The following PLSCR4 variants were observed in gnomAD, a reference collection of about 807,000 sequenced individuals.
The protein encoded by PLSCR4 is Ca(2+)-dependent phospholipid scramblase 4.
PLSCR4 carries 25 observed loss-of-function variants against 36.3 expected under a neutral mutation model. That is an observed-to-expected ratio of 0.69 (90% confidence interval 0.50 to 0.96). The LOEUF is 0.96. Among genes scored for constraint, PLSCR4 ranks in the 40% least tolerant of loss-of-function variants. The pLI, the probability that PLSCR4 is intolerant of heterozygous loss-of-function variation, is 0.00. For missense variants in PLSCR4, 408 were observed against 414.7 expected (o/e 0.98, Z 0.14); for synonymous variants, 122 against 132.9 (o/e 0.92, Z 0.56).
chr3:146,224,470 G>A (rs1435840727), intron 1 of PLSCR4, among the ~76,000 whole-genome samples: 4 of 148,860 alleles, frequency 2.7e-5, no homozygotes, highest in African/African-American at 7.8e-5. Context: ...TTAAGGTGGC[G>A]CATCTGGAGT....
intron 3 of PLSCR4, among the ~76,000 whole-genome samples, chr3:146,218,363 AATG>A (rs2034984323): frequency 6.6e-6 from 1 of 151,974 alleles, no homozygotes; most frequent in Non-Finnish European, 1.5e-5. Context: ...TCAATGAGTT[AATG>A]ATTAATTTAC....
rs1193184787 is a variant in PLSCR4, at chr3:146,211,637, ATACT to A, written c.119-4880_119-4877del. On this transcript the variant is annotated intron_variant, in intron 3 of 8. Coordinates refer to ENST00000354952, the MANE Select transcript of PLSCR4 (RefSeq NM_020353.3). ...ACTATTGCCTAATCCAAGGACATAA[ATACT>A]TACATCTATATCTTGTAAAAGTTTT... 2.0e-5 allele frequency among the ~76,000 whole-genome samples: 3 copies of A among 152,258 alleles called. No individual in the cohort carries two copies. The East Asian group carries it at 5.8e-4, about 29-fold the overall frequency.
At chr3:146,207,361 T>C (rs1311752012) in intron 3 of PLSCR4, among the ~76,000 whole-genome samples, 1 of 152,164 alleles carries the variant, frequency 6.6e-6, no homozygotes, top group Non-Finnish European at 1.5e-5. Flanking sequence ...ATTTTCTTAG[T>C]AGTTATGCTG....
chr3:146,208,665 C>A (rs1162204999), intron 3 of PLSCR4, among the ~76,000 whole-genome samples: 1 of 152,108 alleles, frequency 6.6e-6, no homozygotes, highest in African/African-American at 2.4e-5. Flanking sequence ...TGAAAAAATA[C>A]TCAGCATCAC....
intron 5 of PLSCR4, among the ~76,000 whole-genome samples, chr3:146,200,703 C>G (rs1267676116): frequency 2.0e-5 from 3 of 151,922 alleles, no homozygotes; most frequent in Non-Finnish European, 2.9e-5. Context: ...CTGTGGTGTC[C>G]CTGGCTAACT....
chr3:146,231,403 T>A (rs779271342), intron 1 of PLSCR4, among the ~76,000 whole-genome samples: 2 of 152,196 alleles, frequency 1.3e-5, no homozygotes, highest in Non-Finnish European at 2.9e-5. Context: ...GGTCAAATGC[T>A]AGTTCCGTTT....
Position 146,249,098 on chromosome 3 carries a change from C to CT in PLSCR4, c.-22+1861dup, listed in dbSNP as rs202048742. On this transcript the variant is annotated intron_variant, in intron 1 of 8. Coordinates refer to ENST00000354952, the MANE Select transcript of PLSCR4 (RefSeq NM_020353.3). ...TTTCTAGGTATATTAGCAAAATTAT[C>CT]TTTTTTTTTCTATTAACAATGTCCG... 2.0e-4 allele frequency among the ~76,000 whole-genome samples: 30 copies of CT among 151,390 alleles called. No individual in the cohort carries two copies. In the East Asian group the frequency reaches 2.5e-3, roughly 13 times the overall value.
At chr3:146,230,114 T>C (rs2035647300) in intron 1 of PLSCR4, among the ~76,000 whole-genome samples, 1 of 152,146 alleles carries the variant, frequency 6.6e-6, no homozygotes, top group Non-Finnish European at 1.5e-5. Flanking sequence ...TGTTAGGAAG[T>C]AGGCCCCTAA....
intron 4 of PLSCR4, among the ~76,000 whole-genome samples, chr3:146,205,132 G>C (rs1032791561): frequency 6.6e-6 from 1 of 151,842 alleles, no homozygotes; most frequent in Non-Finnish European, 1.5e-5. Context: ...TATTAAATTG[G>C]GAAGTTTCTT....
intron 1 of PLSCR4, among the ~76,000 whole-genome samples, chr3:146,225,673 A>G (rs111652272): frequency 0.38 from 57,331 of 151,976 alleles, 11,004 homozygotes; most frequent in African/African-American, 0.45. Flanking sequence ...CCACTGGCCC[A>G]GGAGCTAAGT....
intron 1 of PLSCR4, among the ~76,000 whole-genome samples, chr3:146,242,334 A>G (rs570776549): frequency 1.6e-4 from 25 of 152,296 alleles, no homozygotes; most frequent in Admixed American, 1.4e-3. Context: ...CAGATCTTGA[A>G]GCAAACTTCC....
chr3:146,212,400 T>C (rs2034668407), intron 3 of PLSCR4, among the ~76,000 whole-genome samples: 1 of 147,358 alleles, frequency 6.8e-6, no homozygotes. Context: ...ACTTGTTTAT[T>C]GTGCTGTTTG....
intron 3 of PLSCR4, among the ~76,000 whole-genome samples, chr3:146,211,528 A>T (rs116481754): frequency 4.2e-4 from 64 of 152,250 alleles, no homozygotes; most frequent in African/African-American, 1.5e-3. Context: ...GTCCTTAGAT[A>T]TACAAAACTT....
At chr3:146,237,471 C>T (rs1381252331) in intron 1 of PLSCR4, among the ~76,000 whole-genome samples, 1 of 152,040 alleles carries the variant, frequency 6.6e-6, no homozygotes, top group Non-Finnish European at 1.5e-5. Context: ...ATATAACATT[C>T]ATTAGGCTAT....
At chr3:146,211,099 T>C (rs1161134529) in intron 3 of PLSCR4, among the ~76,000 whole-genome samples, 1 of 152,128 alleles carries the variant, frequency 6.6e-6, no homozygotes, top group Non-Finnish European at 1.5e-5. Context: ...TGAAATTAGC[T>C]GAAATATTTA....
At chr3:146,195,691 T>A (rs1358448499) in intron 7 of PLSCR4, among the ~76,000 whole-genome samples, 1 of 152,180 alleles carries the variant, frequency 6.6e-6, no homozygotes, top group African/African-American at 2.4e-5. Context: ...GTGAGTGAAA[T>A]TCACCTTGTC....
chr3:146,195,314 T>A, intron 7 of PLSCR4, 32 bp from the exon 8 acceptor site: 2 of 1,545,268 alleles, frequency 1.3e-6, no homozygotes, highest in Non-Finnish European at 1.8e-6. Context: ...TTTATGATGA[T>A]TGAAACGCAT....
At chr3:146,197,257 C>G (rs1022174067) in intron 6 of PLSCR4, among the ~76,000 whole-genome samples, 10 of 152,124 alleles carry the variant, frequency 6.6e-5, no homozygotes, top group Non-Finnish European at 1.2e-4. Context: ...GCTTCTCCAT[C>G]AGAAAGAACA....
intron 1 of PLSCR4, among the ~76,000 whole-genome samples, chr3:146,227,099 C>G (rs1280518447): frequency 1.3e-5 from 2 of 152,206 alleles, no homozygotes; most frequent in Non-Finnish European, 2.9e-5. Flanking sequence ...ATTCAGTGAA[C>G]TGCTTCAGAT....
Sources: gnomAD v4.1 joint callset for allele counts (sites outside exome capture counted in the v4.1 genomes callset) on GRCh38, gnomAD v4.1.1 for gene constraint, MANE v1.5 for transcripts, NCBI Gene and HGNC (gene_info 2026-07-23, HGNC 2026-07-21) for gene names.